The following MACO1 variants were observed in gnomAD, a reference collection of about 807,000 sequenced individuals.
MACO1 encodes macoilin 1.
In MACO1, 14 loss-of-function variants were observed where a neutral mutation model predicts 78.7. The ratio of observed to expected loss-of-function variants is 0.18; its 90% CI spans 0.12 to 0.28. The LOEUF (loss-of-function observed/expected upper bound fraction) is 0.28, where lower values mean the gene tolerates loss of function less well. Ranked by LOEUF, MACO1 falls within the 10% of genes least tolerant of loss-of-function variation. The pLI is 1.00. For synonymous variants in MACO1, 288 were observed against 291.6 expected (o/e 0.99, Z 0.12); for missense variants, 501 against 799.0 (o/e 0.63, Z 4.50).
At chr1:25,443,683 A>G (rs1319486928) in intron 1 of MACO1, among the ~76,000 whole-genome samples, 1 of 152,236 alleles carries the variant, frequency 6.6e-6, no homozygotes, top group East Asian at 1.9e-4. Flanking sequence ...ACAGGCTACC[A>G]TTCTTTGGAT....
At chr1:25,431,537 C>T (rs1356634609) in intron 1 of MACO1, among the ~76,000 whole-genome samples, 3 of 151,826 alleles carry the variant, frequency 2.0e-5, no homozygotes, top group Admixed American at 1.3e-4. Flanking sequence ...GCTTCCGGGA[C>T]CTCTGACTGG....
rs1189775109 is a variant in MACO1, at chr1:25,493,727, C to CTTTT, written c.1792+2163_1792+2166dup. Among the ~76,000 whole-genome samples the CTTTT allele has an allele frequency of 1.6e-3, 146 of 92,050 alleles. 1 individual carries two copies. The highest frequency in any genetic ancestry group is 4.2e-3 in the African/African-American group (91 of 21,748). The allele number at this position is 92,050 out of a possible 152,430, so 60.4% of individuals were successfully genotyped here. A position where few individuals can be genotyped will look rare whatever the true frequency, so the allele number is the denominator to read the frequency against. On this transcript the variant is annotated intron_variant, in intron 10 of 10. Coordinates refer to ENST00000374343, the MANE Select transcript of MACO1 (RefSeq NM_018202.6). ...TGACTTAACAGAAGATAGTTTGATT[C>CTTTT]TTTTTTTTTTTTTTTTTTTTTTTGA...
intron 8 of MACO1, among the ~76,000 whole-genome samples, chr1:25,487,081 C>G (rs1204712842): frequency 6.6e-6 from 1 of 152,148 alleles, no homozygotes; most frequent in East Asian, 1.9e-4. Flanking sequence ...CAGTGTCTAC[C>G]CCAAATCCCT....
intron 6 of MACO1, among the ~76,000 whole-genome samples, chr1:25,477,120 C>T (rs968975801): frequency 6.6e-6 from 1 of 152,198 alleles, no homozygotes; most frequent in Admixed American, 6.5e-5. Context: ...AGAAGCCCAG[C>T]ACAGGGCGAT....
intron 10 of MACO1, among the ~76,000 whole-genome samples, chr1:25,494,012 T>A (rs567611685): frequency 6.6e-6 from 1 of 152,374 alleles, no homozygotes; most frequent in East Asian, 1.9e-4. Context: ...ATTACAGGCG[T>A]GAGCCACCGT....
At chr1:25,432,050 C>A (rs1303105379) in intron 1 of MACO1, among the ~76,000 whole-genome samples, 1 of 152,200 alleles carries the variant, frequency 6.6e-6, no homozygotes, top group African/African-American at 2.4e-5. Context: ...TTGTGTACGA[C>A]TGTTATTTTC....
chr1:25,444,354 C>T (rs1048835879), intron 1 of MACO1, among the ~76,000 whole-genome samples: 1 of 151,918 alleles, frequency 6.6e-6, no homozygotes, highest in South Asian at 2.1e-4. Flanking sequence ...CCTACCTCAG[C>T]CTCCCAAATA....
intron 1 of MACO1, among the ~76,000 whole-genome samples, chr1:25,438,483 A>T (rs1355759210): frequency 1.3e-5 from 2 of 152,272 alleles, no homozygotes; most frequent in Non-Finnish European, 2.9e-5. Context: ...GGAATAGAGA[A>T]CTAAAAAGCT....
At chr1:25,494,787 A>G (rs2043520097) in intron 10 of MACO1, among the ~76,000 whole-genome samples, 1 of 152,192 alleles carries the variant, frequency 6.6e-6, no homozygotes, top group South Asian at 2.1e-4. Flanking sequence ...GAGTGAAGGA[A>G]GAATAAGTTT....
intron 6 of MACO1, among the ~76,000 whole-genome samples, chr1:25,461,313 TAAC>T (rs1390284647): frequency 6.6e-6 from 1 of 152,034 alleles, no homozygotes; most frequent in Non-Finnish European, 1.5e-5. Context: ...TATACATATG[TAAC>T]AAACCTGCAC....
chr1:25,455,703 C>A (rs1050488030), intron 4 of MACO1, among the ~76,000 whole-genome samples: 3 of 152,134 alleles, frequency 2.0e-5, no homozygotes, highest in Non-Finnish European at 4.4e-5. Flanking sequence ...CAAACCAAAT[C>A]TTGGCACTGA....
intron 1 of MACO1, among the ~76,000 whole-genome samples, chr1:25,436,894 A>AT (rs1186660237): frequency 6.6e-6 from 1 of 152,086 alleles, no homozygotes; most frequent in African/African-American, 2.4e-5. Context: ...ACTTTGAGTC[A>AT]TGGGATTGTG....
intron 3 of MACO1, 94 bp downstream of exon 3, chr1:25,449,028 T>G: frequency 8.4e-7 from 1 of 1,184,350 alleles, no homozygotes; most frequent in Admixed American, 3.2e-5. Context: ...GAGTTGAGTT[T>G]AATGTGGACA....
chr1:25,449,534 A>C (rs1003207879), intron 3 of MACO1, among the ~76,000 whole-genome samples: 2 of 152,056 alleles, frequency 1.3e-5, no homozygotes, highest in Non-Finnish European at 2.9e-5. Context: ...TTTCTTTTTT[A>C]AAAATTTCTA....
intron 10 of MACO1, 28 bp from the exon 11 acceptor site, chr1:25,498,236 C>T (rs371523293): frequency 1.2e-6 from 2 of 1,612,944 alleles, no homozygotes; most frequent in African/African-American, 2.7e-5. Flanking sequence ...CCTCCCTTTT[C>T]ACTAATGGTG....
At chr1:25,471,513 C>T (rs1233125495) in intron 6 of MACO1, among the ~76,000 whole-genome samples, 1 of 152,100 alleles carries the variant, frequency 6.6e-6, no homozygotes, top group African/African-American at 2.4e-5. Context: ...GCTTATTATA[C>T]CATAATAGAA....
At chr1:25,432,672 T>C (rs1275492529) in intron 1 of MACO1, among the ~76,000 whole-genome samples, 1 of 152,232 alleles carries the variant, frequency 6.6e-6, no homozygotes, top group Non-Finnish European at 1.5e-5. Flanking sequence ...CCTTTGGCTA[T>C]TGAAAAATAT....
At chr1:25,453,247 C>T (rs1000035283) in intron 3 of MACO1, among the ~76,000 whole-genome samples, 2 of 151,522 alleles carry the variant, frequency 1.3e-5, no homozygotes, top group South Asian at 2.1e-4. Flanking sequence ...TCAGGTGATC[C>T]GCCCTCCTCG....
At position 25,469,192 on chromosome 1, in the gene MACO1, A is replaced by G. The variant is rs535064543; in HGVS notation, c.1154+10300A>G. Reference sequence around the variant, plus strand: ...ATTCAAGTACTAATTTAAATTAACAAATCTGAATCTAGAGAAATATTTTTA... The same window carrying G: ...ATTCAAGTACTAATTTAAATTAACAGATCTGAATCTAGAGAAATATTTTTA... On this transcript the variant is annotated intron_variant, in intron 6 of 10. Coordinates refer to ENST00000374343, the MANE Select transcript of MACO1 (RefSeq NM_018202.6). Among the ~76,000 whole-genome samples the G allele has an allele frequency of 9.2e-5, 14 of 152,324 alleles. No homozygotes were observed. In the South Asian group the frequency reaches 2.9e-3, roughly 32 times the overall value.
Sources: allele counts gnomAD v4.1 joint callset (sites outside exome capture counted in the v4.1 genomes callset), GRCh38; gene constraint gnomAD v4.1.1; transcripts MANE v1.5; gene names NCBI Gene and HGNC (gene_info 2026-07-23, HGNC 2026-07-21).